PRELID3A: variants seen among roughly 807,000 people sequenced by gnomAD.
PRELID3A encodes the protein PRELI domain containing protein 3A.
PRELID3A carries 27 observed loss-of-function variants against 23.0 expected under a neutral mutation model. The observed-to-expected ratio is 1.17, with a 90% confidence interval of 0.87 to 1.62. The LOEUF (loss-of-function observed/expected upper bound fraction) is 1.62, where lower values mean the gene tolerates loss of function less well. Among genes scored for constraint, PRELID3A ranks in the 40% most tolerant of loss-of-function variants. The pLI is 0.00. For missense variants in PRELID3A, 231 were observed against 231.4 expected (o/e 1.00, Z 0.01); for synonymous variants, 87 against 86.4 (o/e 1.01, Z -0.04).
intron 1 of PRELID3A, among the ~76,000 whole-genome samples, chr18:12,413,864 G>A (rs539529364): frequency 6.6e-6 from 1 of 152,304 alleles, no homozygotes; most frequent in African/African-American, 2.4e-5. Context: ...GATTACAGGC[G>A]TGAGCCACCG....
chr18:12,411,303 A>C (rs191377686), intron 1 of PRELID3A, among the ~76,000 whole-genome samples: 10,510 of 128,200 alleles, frequency 0.082, 1,208 homozygotes, highest in African/African-American at 0.3. Context: ...CTAAAAAATA[A>C]AAAAAAAAAA....
At chr18:12,427,359 C>A in intron 5 of PRELID3A, 36 bp downstream of exon 5, 1 of 1,433,708 alleles carries the variant, frequency 7.0e-7, no homozygotes, top group Non-Finnish European at 9.8e-7. Flanking sequence ...TGTGTGTGCT[C>A]TAGTTGTTAA....
chr18:12,416,184 C>T (rs1329427852), intron 1 of PRELID3A, among the ~76,000 whole-genome samples: 1 of 152,224 alleles, frequency 6.6e-6, no homozygotes, highest in Non-Finnish European at 1.5e-5. Flanking sequence ...TTGTGTCCAC[C>T]AGCAGCACTT....
chr18:12,423,088 G>C (rs2030243474), intron 3 of PRELID3A, among the ~76,000 whole-genome samples: 1 of 152,216 alleles, frequency 6.6e-6, no homozygotes, highest in South Asian at 2.1e-4. Context: ...GCCATGTGAA[G>C]GTAGGTGACA....
rs777915718 is a variant in PRELID3A at position 12,420,433 on chromosome 18, CCGCCTGCACAGCTTG to C, written c.149_163del (p.His50_Leu54del). 6.3e-7 allele frequency: 1 copy of C among 1,586,434 alleles called. No individual in the cohort carries two copies. Among genetic ancestry groups the C allele is most frequent in the Non-Finnish European group, 8.6e-7 (1 of 1,167,464 alleles). Reference sequence around the variant, plus strand: ...TACAGCGCCGCGTGGACGGCCGCGGCCGCCTGCACAGCTTGCGCCTGCTCAGCACCGAGTGGGGGC... The same window carrying C: ...TACAGCGCCGCGTGGACGGCCGCGGCCGCCTGCTCAGCACCGAGTGGGGGC... On this transcript the variant is annotated inframe_deletion, in exon 2 of 7. Transcript: ENST00000440960.
intron 1 of PRELID3A, 85 bp from the exon 2 acceptor site, chr18:12,420,240 A>G: frequency 6.7e-7 from 1 of 1,495,080 alleles, no homozygotes; most frequent in Non-Finnish European, 8.9e-7. Flanking sequence ...CGCGTTGCCC[A>G]GGCCTGGCGG....
At chr18:12,422,271 A>C (rs1785662) in intron 3 of PRELID3A, 3 of 139,940 alleles carry the variant, frequency 2.1e-5, no homozygotes, top group South Asian at 4.6e-4. Flanking sequence ...GGATCTCAGC[A>C]CCCTGCAACC....
At chr18:12,415,483 C>T (rs1001858442) in intron 1 of PRELID3A, among the ~76,000 whole-genome samples, 1 of 152,092 alleles carries the variant, frequency 6.6e-6, no homozygotes, top group Non-Finnish European at 1.5e-5. Context: ...TGTTCTAGAA[C>T]TCCTGTCAAG....
chr18:12,408,935 C>T (rs1909818451), intron 1 of PRELID3A, among the ~76,000 whole-genome samples: 1 of 152,106 alleles, frequency 6.6e-6, no homozygotes, highest in Admixed American at 6.5e-5. Flanking sequence ...GCCCTCCTAA[C>T]CTAAGTGGTA....
intron 6 of PRELID3A, among the ~76,000 whole-genome samples, 186 bp downstream of exon 6, chr18:12,429,622 T>C (rs1374749987): frequency 3.9e-5 from 6 of 152,184 alleles, no homozygotes; most frequent in African/African-American, 1.4e-4. Context: ...ATTCCTTGCT[T>C]CGTGGCAGGA....
In PRELID3A at chr18:12,421,547, G is replaced by A. The variant is rs2030181757; in HGVS notation, c.209G>A (p.Gly70Glu). The change falls in exon 3 of 7, where the codon GGA (glycine) becomes GAA (glutamate). Residue 70 changes from glycine (G) to glutamate (E), a missense_variant. Gly to Glu is a moderately conservative substitution (Grantham distance 98, BLOSUM62 -2). Transcript: ENST00000440960. ...GLPSLVRAIL[G>E]TSRTLTYIRE... ...TTTTGCTTTGTTTTCTAGATTTTGG[G>A]AACCAGTAGGACATTGACATACATC... The A allele has an allele frequency of 6.2e-7, 1 of 1,611,770 alleles. No individual in the cohort carries two copies. The highest frequency in any genetic ancestry group is 8.5e-7 in the Non-Finnish European group (1 of 1,178,090).
intron 1 of PRELID3A, among the ~76,000 whole-genome samples, chr18:12,408,417 T>C (rs1342015798): frequency 6.6e-6 from 1 of 152,018 alleles, no homozygotes; most frequent in Non-Finnish European, 1.5e-5. Context: ...GCCTGCAAGC[T>C]GGCGCCTTTG....
chr18:12,409,929 C>T (rs1909855354), intron 1 of PRELID3A, among the ~76,000 whole-genome samples: 1 of 152,174 alleles, frequency 6.6e-6, no homozygotes, highest in African/African-American at 2.4e-5. Flanking sequence ...GACCATCACA[C>T]ACACAGTCCA....
At chr18:12,419,916 A>G (rs1173188865) in intron 1 of PRELID3A, 7 of 175,986 alleles carry the variant, frequency 4.0e-5, no homozygotes, top group Non-Finnish European at 8.3e-5. Flanking sequence ...GTGACAGAGC[A>G]AGACTCCGTC....
chr18:12,427,347 C>A (rs778948475), intron 5 of PRELID3A, 24 bp downstream of exon 5: 2 of 1,483,052 alleles, frequency 1.3e-6, no homozygotes, highest in Admixed American at 3.4e-5. Flanking sequence ...TCCTAGGAGT[C>A]CTGTGTGTGC....
chr18:12,428,344 G>T (rs764410781), intron 5 of PRELID3A, among the ~76,000 whole-genome samples: 2 of 152,192 alleles, frequency 1.3e-5, no homozygotes, highest in African/African-American at 4.8e-5. Context: ...ACTTGCCAGA[G>T]CAGGGCCTTT....
At chr18:12,421,745 CAGAA>C (rs2030189273) in intron 3 of PRELID3A, 116 bp downstream of exon 3, 15 of 662,708 alleles carry the variant, frequency 2.3e-5, no homozygotes, top group Non-Finnish European at 3.5e-5. Flanking sequence ...TTATTTTTAA[CAGAA>C]AGGCTGAATT....
At chr18:12,412,015 A>G (rs1909933278) in intron 1 of PRELID3A, among the ~76,000 whole-genome samples, 1 of 146,592 alleles carries the variant, frequency 6.8e-6, no homozygotes, top group Non-Finnish European at 1.5e-5. Flanking sequence ...GGTTCACGCC[A>G]TTCTCCTGCC....
At position 12,431,740 on chromosome 18, in the gene PRELID3A, A is replaced by G. The variant is rs1171356902; in HGVS notation, c.*624A>G. 1 of 152,070 alleles carries G rather than the reference A, an allele frequency of 6.6e-6. No individual in the cohort carries two copies. The highest frequency in any genetic ancestry group is 1.5e-5 in the Non-Finnish European group (1 of 68,076). 9.4% of individuals were successfully genotyped at this position (152,070 alleles called of 1,614,324 possible). A position where few individuals can be genotyped will look rare whatever the true frequency, so the allele number is the denominator to read the frequency against. ...TAAGCCTCTCCTGACGAGGCTCCTC[A>G]TGCGGGGAGAGGGCTGGGGTCCAGG... On this transcript the variant is annotated 3_prime_UTR_variant, in exon 7 of 7. Coordinates refer to ENST00000440960, the MANE Select transcript of PRELID3A (RefSeq NM_001142405.2).
Sources: allele counts gnomAD v4.1 joint callset (sites outside exome capture counted in the v4.1 genomes callset), GRCh38; gene constraint gnomAD v4.1.1; transcripts MANE v1.5; gene names NCBI Gene and HGNC (gene_info 2026-07-23, HGNC 2026-07-21).